Variants in APBB2 observed in about 807,000 individuals in gnomAD.
APBB2 encodes Fe65-like 1.
In APBB2, 38 loss-of-function variants were observed where a neutral mutation model predicts 82.5. That is an observed-to-expected ratio of 0.46 (90% confidence interval 0.36 to 0.60). The LOEUF (loss-of-function observed/expected upper bound fraction) is 0.60. Among genes scored for constraint, APBB2 ranks in the 20% least tolerant of loss-of-function variants. The pLI, the probability that APBB2 is intolerant of heterozygous loss-of-function variation, is 0.00. For missense variants in APBB2, 772 were observed against 972.3 expected (o/e 0.79, Z 2.74); for synonymous variants, 341 against 368.2 (o/e 0.93, Z 0.85).
At chr4:40,888,352 G>T (rs1007859571) in intron 12 of APBB2, among the ~76,000 whole-genome samples, 11 of 152,364 alleles carry the variant, frequency 7.2e-5, no homozygotes, top group Middle Eastern at 3.4e-3. Context: ...AAGAGTTAGG[G>T]TAAGCTGAAA....
chr4:40,989,531 AT>A (rs33982618), intron 6 of APBB2, among the ~76,000 whole-genome samples: 70,545 of 151,214 alleles, frequency 0.47, 16,560 homozygotes, highest in Middle Eastern at 0.52. Context: ...GAGAAACTAC[AT>A]TTTTTTTTTC....
chr4:40,900,994 A>G (rs1005901397), intron 10 of APBB2, among the ~76,000 whole-genome samples: 6 of 152,216 alleles, frequency 3.9e-5, no homozygotes, highest in South Asian at 2.1e-4. Context: ...ATCCAAGGTC[A>G]CACAGCTCTG....
intron 6 of APBB2, among the ~76,000 whole-genome samples, chr4:41,011,576 A>G (rs1391125754): frequency 6.6e-6 from 1 of 152,008 alleles, no homozygotes; most frequent in African/African-American, 2.4e-5. Flanking sequence ...GACTACAGCC[A>G]CCCGCCACCA....
intron 6 of APBB2, among the ~76,000 whole-genome samples, chr4:40,988,500 T>G (rs1309132232): frequency 6.6e-6 from 1 of 151,518 alleles, no homozygotes; most frequent in Non-Finnish European, 1.5e-5. Flanking sequence ...TAGCCAGGCA[T>G]GGTGGTGGGT....
At chr4:41,157,751 G>A (rs1221167851) in intron 1 of APBB2, among the ~76,000 whole-genome samples, 1 of 152,214 alleles carries the variant, frequency 6.6e-6, no homozygotes, top group Non-Finnish European at 1.5e-5. Context: ...AGCACTTTGG[G>A]AGGATGATGT....
intron 4 of APBB2, among the ~76,000 whole-genome samples, chr4:41,060,818 G>GA (rs1433754878): frequency 6.6e-6 from 1 of 152,192 alleles, no homozygotes; most frequent in African/African-American, 2.4e-5. Context: ...AACAGCAGGA[G>GA]CAAAGGCACG....
chr4:40,864,294 C>A (rs1357392949), intron 12 of APBB2, among the ~76,000 whole-genome samples: 1 of 117,024 alleles, frequency 8.5e-6, no homozygotes, highest in Admixed American at 8.4e-5. Flanking sequence ...AACAAAAAAA[C>A]CACTGTGTAC....
In APBB2 at chr4:41,037,075, T is replaced by C. The variant is rs566776835; in HGVS notation, c.-50-3771A>G. Among the ~76,000 whole-genome samples the C allele has an allele frequency of 5.1e-4, 77 of 152,356 alleles. 1 individual carries two copies. Among genetic ancestry groups the C allele is most frequent in the South Asian group, 6.2e-4 (3 of 4,832 alleles). The stretch of plus-strand genomic sequence containing the variant: ...TAGCGCAACCGACAACTGAATTTAT[T>C]TAACTACAATTAATTTAAATACAGA... On this transcript the variant is annotated intron_variant, in intron 4 of 17. Transcript: ENST00000508593.
chr4:41,097,526 A>G (rs1351085421), intron 3 of APBB2, among the ~76,000 whole-genome samples: 1 of 152,244 alleles, frequency 6.6e-6, no homozygotes, highest in African/African-American at 2.4e-5. Flanking sequence ...GTAAATACTT[A>G]TTAGCATGGA....
At chr4:40,974,580 A>G (rs1456760945) in intron 6 of APBB2, among the ~76,000 whole-genome samples, 1 of 152,246 alleles carries the variant, frequency 6.6e-6, no homozygotes, top group Non-Finnish European at 1.5e-5. Context: ...CTTCTCTGTT[A>G]TAGAATTATA....
rs190560763 is a variant in APBB2, at chr4:40,826,983, G to C, written c.1732+149C>G. 6 of 672,864 alleles carry C rather than the reference G, an allele frequency of 8.9e-6. No homozygotes were observed. The Admixed American group carries it at 1.3e-4, about 15-fold the overall frequency. The allele number at this position is 672,864 out of a possible 1,614,324, so 41.7% of individuals were successfully genotyped here. ...TGCAAAATCAACTCTGTGCCTCTGTGAGACCCAGCGTGCAGGCTCAACTTG... is the reference window on the plus strand; with the variant it reads ...TGCAAAATCAACTCTGTGCCTCTGTCAGACCCAGCGTGCAGGCTCAACTTG... On this transcript the variant is annotated intron_variant, in intron 14 of 17. Coordinates refer to ENST00000508593, the MANE Select transcript of APBB2 (RefSeq NM_004307.2). This position sits in a 1 kb window ranked among gnomAD's most constrained non-coding sequence, Gnocchi z 4.5.
At chr4:40,975,347 G>A (rs770066887) in intron 6 of APBB2, among the ~76,000 whole-genome samples, 3 of 152,088 alleles carry the variant, frequency 2.0e-5, no homozygotes, top group African/African-American at 7.2e-5. Flanking sequence ...TTCTCAAAAG[G>A]CTTTCACCCT....
rs148052320 is a variant in APBB2 at position 41,134,974 on chromosome 4, C to T, written c.-261+8013G>A. 6.2e-3 allele frequency among the ~76,000 whole-genome samples: 936 copies of T among 152,186 alleles called. 9 individuals are homozygous for T. The highest frequency in any genetic ancestry group is 0.019 in the African/African-American group (778 of 41,528). On this transcript the variant is annotated intron_variant, in intron 2 of 17. Transcript: ENST00000508593. Reference sequence around the variant, plus strand: ...CTCATATGTTAATGACTGCTCAAGACCAGTGGTCATTTTCAATCCTATTTT... The same window carrying T: ...CTCATATGTTAATGACTGCTCAAGATCAGTGGTCATTTTCAATCCTATTTT...
chr4:41,037,600 C>T (rs1485507804), intron 4 of APBB2, among the ~76,000 whole-genome samples: 5 of 152,124 alleles, frequency 3.3e-5, no homozygotes, highest in Non-Finnish European at 1.5e-5. Flanking sequence ...TGGTCTCCAC[C>T]CGAAAAATTC....
In APBB2 at chr4:40,926,160, TTTTATC is replaced by T. The variant is rs528151656; in HGVS notation, c.1254+8290_1254+8295del. On this transcript the variant is annotated intron_variant, in intron 10 of 17. Transcript: ENST00000508593. Reference sequence around the variant, plus strand: ...AAGCTGCACAAAATTGGTGCCTTCTTTTTATCATGTTTCCAACTGTATAATGTTATT... The same window carrying T: ...AAGCTGCACAAAATTGGTGCCTTCTTATGTTTCCAACTGTATAATGTTATT... 1.1e-3 allele frequency among the ~76,000 whole-genome samples: 163 copies of T among 152,360 alleles called. 1 individual carries two copies. The highest frequency in any genetic ancestry group is 3.4e-3 in the Middle Eastern group (1 of 294).
At chr4:41,153,752 G>A (rs752808173) in intron 1 of APBB2, among the ~76,000 whole-genome samples, 7 of 152,096 alleles carry the variant, frequency 4.6e-5, no homozygotes, top group Admixed American at 1.3e-4. Context: ...CTGGCACTCC[G>A]GCTGTCAGAA....
Position 40,815,391 on chromosome 4 carries a change from A to ATGTTTT in APBB2, c.*695_*700dup, listed in dbSNP as rs1233655927. 1 of 152,564 alleles carries ATGTTTT rather than the reference A, an allele frequency of 6.6e-6. No homozygotes were observed. The highest frequency in any genetic ancestry group is 1.5e-5 in the Non-Finnish European group (1 of 68,022). 9.5% of individuals were successfully genotyped at this position (152,564 alleles called of 1,614,324 possible). On this transcript the variant is annotated 3_prime_UTR_variant, in exon 18 of 18. Transcript: ENST00000508593. ...TGAAAACCATCGGAAAAGAAAGGCT[A>ATGTTTT]TGTTTTGTTCGATTTTAATTCCTCG... is the stretch of plus-strand genomic sequence containing the variant.
At chr4:40,867,442 T>C (rs1418561290) in intron 12 of APBB2, among the ~76,000 whole-genome samples, 3 of 152,184 alleles carry the variant, frequency 2.0e-5, no homozygotes, top group Admixed American at 2.0e-4. Flanking sequence ...AACCCCCTTT[T>C]TGTAAACAAA....
intron 1 of APBB2, among the ~76,000 whole-genome samples, chr4:41,200,793 CCTCT>C (rs1776510266): frequency 6.6e-6 from 1 of 152,060 alleles, no homozygotes; most frequent in African/African-American, 2.4e-5. Context: ...GGTCCTTAGA[CCTCT>C]CTATCGTCCT....
Sources: allele counts gnomAD v4.1 joint callset (sites outside exome capture counted in the v4.1 genomes callset), GRCh38; gene constraint gnomAD v4.1.1; non-coding constraint Gnocchi (gnomAD v3.1); transcripts MANE v1.5; gene names NCBI Gene and HGNC (gene_info 2026-07-23, HGNC 2026-07-21).